The following TMEM242 variants were observed in gnomAD, a reference collection of about 807,000 sequenced individuals.
TMEM242 encodes transmembrane protein 242.
In TMEM242, 10 loss-of-function variants were observed where a neutral mutation model predicts 18.2. The ratio of observed to expected loss-of-function variants is 0.55; its 90% CI spans 0.34 to 0.93. The LOEUF is 0.93. Among genes scored for constraint, TMEM242 ranks in the 40% least tolerant of loss-of-function variants. TMEM242 has a pLI of 0.02. For missense variants in TMEM242, 186 were observed against 175.5 expected (o/e 1.06, Z -0.34); for synonymous variants, 57 against 69.9 (o/e 0.81, Z 0.92).
Position 157,292,598 on chromosome 6 carries a change from T to C in TMEM242, c.*303A>G. 4.0e-6 allele frequency: 1 copy of C among 249,566 alleles called. No homozygotes were observed. Among genetic ancestry groups the C allele is most frequent in the Non-Finnish European group, 7.6e-6 (1 of 132,086 alleles). 15.5% of individuals were successfully genotyped at this position (249,566 alleles called of 1,614,324 possible). A position where few individuals can be genotyped will look rare whatever the true frequency, so the allele number is the denominator to read the frequency against. On this transcript the variant is annotated 3_prime_UTR_variant, in exon 4 of 4. Coordinates refer to ENST00000400788, the MANE Select transcript of TMEM242 (RefSeq NM_018452.6). ...ATACTTTTATTATAAACTTTTTTAGTATGAAATTTGCTTCAACTGTTACAA... is the reference window on the plus strand; with the variant it reads ...ATACTTTTATTATAAACTTTTTTAGCATGAAATTTGCTTCAACTGTTACAA...
chr6:157,320,343 AATTAT>A (rs1160534934), intron 2 of TMEM242, among the ~76,000 whole-genome samples: 1 of 152,252 alleles, frequency 6.6e-6, no homozygotes, highest in Non-Finnish European at 1.5e-5. Context: ...GAAATTCTTA[AATTAT>A]ATTAGTCATT....
At chr6:157,302,909 C>T (rs1237882753) in intron 3 of TMEM242, among the ~76,000 whole-genome samples, 2 of 152,212 alleles carry the variant, frequency 1.3e-5, no homozygotes, top group Admixed American at 1.3e-4. Flanking sequence ...CCAAGAATGG[C>T]TGCCACTAAG....
chr6:157,314,339 C>G (rs1583574413), intron 3 of TMEM242, among the ~76,000 whole-genome samples: 1 of 152,252 alleles, frequency 6.6e-6, no homozygotes, highest in Non-Finnish European at 1.5e-5. Flanking sequence ...TGTGCACTCA[C>G]CTGGCCTCAT....
chr6:157,321,603 A>G (rs1224855351), intron 2 of TMEM242, among the ~76,000 whole-genome samples: 1 of 152,224 alleles, frequency 6.6e-6, no homozygotes, highest in African/African-American at 2.4e-5. Context: ...AAGGATCAGC[A>G]GGGTTCTGTG....
chr6:157,322,742 G>A lies in TMEM242; in HGVS notation c.152C>T (p.Ser51Leu). ...TTCAGGGCTTTTCTTTTTAGCCAAT[G>A]ATAATGTTGTAATAAATCCAGCTAG... Reference protein sequence around the residue: ...GMLAGFITTLSLAKKKSPEWF... With the variant: ...GMLAGFITTLLLAKKKSPEWF... The change falls in exon 2 of 4, where the codon TCA (serine) becomes TTA (leucine). Residue 51 changes from serine (S) to leucine (L), a missense_variant. Ser to Leu is a moderately radical substitution (Grantham distance 145). Coordinates refer to ENST00000400788, the MANE Select transcript of TMEM242 (RefSeq NM_018452.6). 1.2e-6 allele frequency: 2 copies of A among 1,613,814 alleles called. No individual in the cohort carries two copies. The highest frequency in any genetic ancestry group is 1.7e-6 in the Non-Finnish European group (2 of 1,179,896).
At position 157,323,475 on chromosome 6, in the gene TMEM242, C is replaced by G; in HGVS notation, c.25G>C (p.Gly9Arg). 6.2e-7 allele frequency: 1 copy of G among 1,613,978 alleles called. No individual in the cohort carries two copies. The highest frequency in any genetic ancestry group is 8.5e-7 in the Non-Finnish European group (1 of 1,179,938). Reference protein sequence around the residue: METAGAATGQPASGLEAPG... With the variant: METAGAATRQPASGLEAPG... ...GCCTCCAGCCCAGAGGCCGGCTGCC[C>G]AGTTGCAGCGCCCGCTGTCTCCATG... Residue 9 changes from glycine to arginine, a missense_variant, in exon 1 of 4, where the codon GGG (glycine) becomes CGG (arginine). Coordinates refer to ENST00000400788, the MANE Select transcript of TMEM242 (RefSeq NM_018452.6).
At chr6:157,313,444 C>G (rs1554249771) in intron 3 of TMEM242, among the ~76,000 whole-genome samples, 3 of 150,912 alleles carry the variant, frequency 2.0e-5, no homozygotes, top group African/African-American at 2.4e-5. Context: ...TCATAGTGCC[C>G]CAGTCTGCGC....
intron 3 of TMEM242, among the ~76,000 whole-genome samples, chr6:157,294,190 A>AG (rs1554247045): frequency 6.6e-6 from 1 of 152,130 alleles, no homozygotes; most frequent in African/African-American, 2.4e-5. Flanking sequence ...TGGTTAATCT[A>AG]TACGGTCCTC....
rs1777679837 is a variant in TMEM242 at position 157,291,283 on chromosome 6, T to C, written c.*1618A>G. 1 of 152,268 alleles carries C rather than the reference T, an allele frequency of 6.6e-6. No homozygotes were observed. Among genetic ancestry groups the C allele is most frequent in the Non-Finnish European group, 1.5e-5 (1 of 68,056 alleles). 9.4% of individuals were successfully genotyped at this position (152,268 alleles called of 1,614,324 possible). A position where few individuals can be genotyped will look rare whatever the true frequency, so the allele number is the denominator to read the frequency against. ...CCCAGATTCTAGCTGTAAACAGTTT[T>C]AGGTAGTGCCCATTCTTTTTCCCCC... On this transcript the variant is annotated 3_prime_UTR_variant, in exon 4 of 4. Coordinates refer to ENST00000400788, the MANE Select transcript of TMEM242 (RefSeq NM_018452.6).
chr6:157,323,260 C>A, intron 1 of TMEM242, 152 bp downstream of exon 1: 2 of 854,860 alleles, frequency 2.3e-6, no homozygotes, highest in Admixed American at 2.4e-5. Context: ...CCTACCCTCC[C>A]TGGGCCGCCA....
chr6:157,302,684 A>G (rs935357844), intron 3 of TMEM242, among the ~76,000 whole-genome samples: 1 of 152,240 alleles, frequency 6.6e-6, no homozygotes, highest in African/African-American at 2.4e-5. Context: ...GGTCTACTCA[A>G]AGATGTGGAA....
rs1583559667 is a variant in TMEM242 at position 157,305,764 on chromosome 6, T to C, written c.328-12765A>G. ...TTTCAGGATGGAGGGGGGGCTCCAT[T>C]GTGCCCAAATGTTGCTGGGAGGGCA... On this transcript the variant is annotated intron_variant, in intron 3 of 3. Transcript: ENST00000400788. This position sits in a 1 kb window ranked among gnomAD's most constrained non-coding sequence, Gnocchi z 4.1. Among the ~76,000 whole-genome samples, 1 of 88,808 alleles carries C rather than the reference T, an allele frequency of 1.1e-5. No homozygotes were observed. Among genetic ancestry groups the C allele is most frequent in the South Asian group, 5.7e-4 (1 of 1,740 alleles). The allele number at this position is 88,808 out of a possible 152,430, so 58.3% of individuals were successfully genotyped here.
At position 157,299,975 on chromosome 6, in the gene TMEM242, A is replaced by G. The variant is rs1293721239; in HGVS notation, c.328-6976T>C. On this transcript the variant is annotated intron_variant, in intron 3 of 3. Transcript: ENST00000400788. The stretch of plus-strand genomic sequence containing the variant: ...GTGATGAGCGGGCTCCTCGGAAGTG[A>G]AGCGCTCAACAAGCTCACTCTTCAC... The G allele has an allele frequency of 4.0e-6, 6 of 1,495,038 alleles. 1 individual carries two copies. In the Admixed American group the frequency reaches 8.4e-5, roughly 21 times the overall value. The allele number at this position is 1,495,038 out of a possible 1,614,324, so 92.6% of individuals were successfully genotyped here.
At chr6:157,312,915 CCCGGCATCATCATA>C in intron 3 of TMEM242, among the ~76,000 whole-genome samples, 1 of 122,120 alleles carries the variant, frequency 8.2e-6, no homozygotes, top group East Asian at 2.3e-4. Context: ...TGTGCGCTCA[CCCGGCATCATCATA>C]GTGCCCCAGT....
At chr6:157,318,473 G>A (rs757549385) in intron 3 of TMEM242, 7 of 361,670 alleles carry the variant, frequency 1.9e-5, no homozygotes, top group African/African-American at 8.4e-5. Flanking sequence ...TTTGCCTGCC[G>A]CAGGCTCCCA....
Position 157,292,693 on chromosome 6 carries a change from T to C in TMEM242, c.*208A>G, listed in dbSNP as rs1777699038. ...TCCTGTAATTACTATTTTTAAATAG[T>C]CTTCTTAACTGTGGGAAAACTTTAC... On this transcript the variant is annotated 3_prime_UTR_variant, in exon 4 of 4. Transcript: ENST00000400788. 1.5e-5 allele frequency: 6 copies of C among 396,482 alleles called. No individual in the cohort carries two copies. The highest frequency in any genetic ancestry group is 5.4e-4 in the Middle Eastern group (1 of 1,866). 24.6% of individuals were successfully genotyped at this position (396,482 alleles called of 1,614,324 possible). A position where few individuals can be genotyped will look rare whatever the true frequency, so the allele number is the denominator to read the frequency against.
chr6:157,314,006 G>C (rs1231083554), intron 3 of TMEM242, among the ~76,000 whole-genome samples: 7 of 47,758 alleles, frequency 1.5e-4, no homozygotes, highest in Non-Finnish European at 1.4e-4. Flanking sequence ...CGCTCACCTA[G>C]CCTCATAGTG....
At chr6:157,298,099 GC>G (rs201258653) in intron 3 of TMEM242, among the ~76,000 whole-genome samples, 4,929 of 152,248 alleles carry the variant, frequency 0.032, 132 homozygotes, top group Admixed American at 0.047. Flanking sequence ...AAATTCAAAA[GC>G]AAAAACTTTC....
intron 3 of TMEM242, among the ~76,000 whole-genome samples, chr6:157,300,351 T>C (rs1485986694): frequency 6.6e-6 from 1 of 152,282 alleles, no homozygotes; most frequent in Non-Finnish European, 1.5e-5. Flanking sequence ...CTCGAGCAAG[T>C]GATTTCTGGA....
Sources: allele counts gnomAD v4.1 joint callset (sites outside exome capture counted in the v4.1 genomes callset), GRCh38; gene constraint gnomAD v4.1.1; non-coding constraint Gnocchi (gnomAD v3.1); transcripts MANE v1.5; gene names NCBI Gene and HGNC (gene_info 2026-07-23, HGNC 2026-07-21).